Variants in SLAIN2 observed in about 807,000 individuals in gnomAD.
SLAIN2 encodes the protein SLAIN family member 2.
SLAIN2 carries 31 observed loss-of-function variants against 56.6 expected under a neutral mutation model. The ratio of observed to expected loss-of-function variants is 0.55; its 90% CI spans 0.41 to 0.74. The LOEUF is 0.74. SLAIN2 is among the 30% of genes least tolerant of loss of function. The pLI is 0.00. For missense variants in SLAIN2, 777 were observed against 754.2 expected (o/e 1.03, Z -0.35); for synonymous variants, 317 against 284.9 (o/e 1.11, Z -1.13).
intron 6 of SLAIN2, among the ~76,000 whole-genome samples, chr4:48,406,487 AAAACAATTTT>A (rs1406161475): frequency 3.7e-4 from 56 of 151,828 alleles, no homozygotes; most frequent in Admixed American, 3.2e-3. Context: ...ATGTTTACTG[AAAACAATTTT>A]TACAACTTTT....
chr4:48,363,710 T>C (rs1577714612), intron 1 of SLAIN2, among the ~76,000 whole-genome samples: 1 of 103,918 alleles, frequency 9.6e-6, no homozygotes, highest in Admixed American at 8.9e-5. Flanking sequence ...GAGGCGCCCC[T>C]CACCTCCCAG....
In SLAIN2 at chr4:48,420,375, C is replaced by T. The variant is rs774488337; in HGVS notation, c.1611C>T (p.Pro537=). 10 of 1,614,030 alleles carry T rather than the reference C, an allele frequency of 6.2e-6. No individual in the cohort carries two copies. The Admixed American group carries it at 8.3e-5, about 13-fold the overall frequency. Residue 537 remains proline, a synonymous_variant, in exon 7 of 8, where the codon CCC becomes CCT. Transcript: ENST00000264313. ...CAACTGCAATGAGAAGTGGCTTGCC[C>T]AGACCCAGTGCCCCTTCTGCTGGGG... ...AGTTAMRSGL[P]RPSAPSAGGI...
intron 6 of SLAIN2, among the ~76,000 whole-genome samples, chr4:48,396,052 C>G (rs1047611261): frequency 2.6e-5 from 4 of 151,882 alleles, no homozygotes; most frequent in Non-Finnish European, 5.9e-5. Context: ...AAATTTTTAC[C>G]TAAAGATTTC....
intron 6 of SLAIN2, among the ~76,000 whole-genome samples, chr4:48,404,234 C>T (rs1468810540): frequency 6.6e-6 from 1 of 152,140 alleles, no homozygotes; most frequent in African/African-American, 2.4e-5. Flanking sequence ...TTGGCCCACC[C>T]TCCGACTTTT....
intron 6 of SLAIN2, among the ~76,000 whole-genome samples, chr4:48,391,539 T>C (rs1716236332): frequency 6.6e-6 from 1 of 152,160 alleles, no homozygotes. Context: ...ACCAACTTGG[T>C]TTTATTTTTG....
In SLAIN2 at chr4:48,382,635, A is replaced by G; in HGVS notation, c.930A>G (p.Arg310=). ...RSSGSSCNST[R]RGTFSDQELD... ...CTGGTTCATCTTGCAATTCTACAAG[A>G]CGGGGTACTTTTAGTGATCAGGAAC... The change falls in exon 5 of 8, where the codon AGA becomes AGG. Residue 310 remains arginine (R), a synonymous_variant. Transcript: ENST00000264313. 6.2e-7 allele frequency: 1 copy of G among 1,613,564 alleles called. No homozygotes were observed. The highest frequency in any genetic ancestry group is 8.5e-7 in the Non-Finnish European group (1 of 1,179,554).
In SLAIN2 at chr4:48,423,678, T is replaced by G. The variant is rs1717222342; in HGVS notation, c.*1601T>G. On this transcript the variant is annotated 3_prime_UTR_variant, in exon 8 of 8. Transcript: ENST00000264313. ...ACTGACACCATGGTAGTCTGTCAGCTTGACCAGTGGAGAGTCATTCATTTA... is the reference window on the plus strand; with the variant it reads ...ACTGACACCATGGTAGTCTGTCAGCGTGACCAGTGGAGAGTCATTCATTTA... The G allele has an allele frequency of 6.6e-6, 1 of 152,202 alleles. No individual in the cohort carries two copies. Among genetic ancestry groups the G allele is most frequent in the African/African-American group, 2.4e-5 (1 of 41,452 alleles). 9.4% of individuals were successfully genotyped at this position (152,202 alleles called of 1,614,324 possible).
At chr4:48,395,579 A>G (rs914062460) in intron 6 of SLAIN2, among the ~76,000 whole-genome samples, 1 of 152,170 alleles carries the variant, frequency 6.6e-6, no homozygotes, top group African/African-American at 2.4e-5. Context: ...ATAGTTTTAG[A>G]TAATAGGATT....
chr4:48,344,534 AAC>A (rs1379145514), intron 1 of SLAIN2, among the ~76,000 whole-genome samples: 5 of 152,182 alleles, frequency 3.3e-5, no homozygotes, highest in Non-Finnish European at 5.9e-5. Context: ...AACAAAAATA[AAC>A]AGTTTTCTTT....
intron 1 of SLAIN2, among the ~76,000 whole-genome samples, chr4:48,363,796 G>A (rs1355429450): frequency 7.5e-6 from 1 of 132,584 alleles, no homozygotes; most frequent in East Asian, 2.4e-4. Context: ...GGGTGGGGGG[G>A]CTGACCCCCG....
At position 48,377,897 on chromosome 4, in the gene SLAIN2, T is replaced by C; in HGVS notation, c.540T>C (p.Ala180=). 1 of 1,612,830 alleles carries C rather than the reference T, an allele frequency of 6.2e-7. No individual in the cohort carries two copies. Among genetic ancestry groups the C allele is most frequent in the Non-Finnish European group, 8.5e-7 (1 of 1,179,584 alleles). The change falls in exon 3 of 8, where the codon GCT becomes GCC. Residue 180 remains alanine, a splice_region_variant and synonymous_variant. Transcript: ENST00000264313. ...LIHKLDQTMS[A]LKRQNLYNNP... is the part of the protein sequence containing the mutation. ...ATTTTCCCCTTCTCATTAATGCAGC[T>C]CTCAAGAGGCAGAATTTATATAATA...
In SLAIN2 at chr4:48,420,250, C is replaced by G. The variant is rs866125076; in HGVS notation, c.1486C>G (p.Gln496Glu). The G allele has an allele frequency of 6.2e-7, 1 of 1,613,982 alleles. No individual in the cohort carries two copies. The change falls in exon 7 of 8, where the codon CAA becomes GAA. Residue 496 changes from glutamine (Q) to glutamate (E), a missense_variant. By Grantham distance (29) the Gln-to-Glu change is conservative (BLOSUM62 2). Transcript: ENST00000264313. ...PGSQEITQLT[Q>E]TTSSPGPPMV... is the part of the protein sequence containing the mutation. Reference sequence around the variant, plus strand: ...TAGCCAAGAAATAACACAGCTCACACAAACCACCTCCTCACCTGGGCCTCC... The same window carrying G: ...TAGCCAAGAAATAACACAGCTCACAGAAACCACCTCCTCACCTGGGCCTCC...
chr4:48,411,323 T>C (rs1716840641), intron 6 of SLAIN2, among the ~76,000 whole-genome samples: 2 of 152,128 alleles, frequency 1.3e-5, no homozygotes, highest in African/African-American at 4.8e-5. Context: ...AAGAAATCTG[T>C]ACCACATCAG....
intron 1 of SLAIN2, among the ~76,000 whole-genome samples, chr4:48,361,025 T>C (rs1715313633): frequency 6.6e-6 from 1 of 152,238 alleles, no homozygotes; most frequent in African/African-American, 2.4e-5. Flanking sequence ...ATATAGTCTC[T>C]TATTAGAATG....
chr4:48,395,725 T>A (rs969784314), intron 6 of SLAIN2, among the ~76,000 whole-genome samples: 1 of 151,738 alleles, frequency 6.6e-6, no homozygotes, highest in Non-Finnish European at 1.5e-5. Flanking sequence ...ATAGACTGGA[T>A]AGATTATGTT....
Position 48,423,938 on chromosome 4 carries a change from C to CT in SLAIN2, c.*1865dup, listed in dbSNP as rs1277268937. 6.6e-6 allele frequency: 1 copy of CT among 152,088 alleles called. No individual in the cohort carries two copies. The highest frequency in any genetic ancestry group is 1.5e-5 in the Non-Finnish European group (1 of 68,008). 9.4% of individuals were successfully genotyped at this position (152,088 alleles called of 1,614,324 possible). On this transcript the variant is annotated 3_prime_UTR_variant, in exon 8 of 8. Coordinates refer to ENST00000264313, the MANE Select transcript of SLAIN2 (RefSeq NM_020846.2). ...TAAAAGAAAGAAGTAGCTACTGTCT[C>CT]TTTTAAAAACCACGTACAAAACAGA...
chr4:48,418,491 G>A (rs1242773531), intron 6 of SLAIN2, among the ~76,000 whole-genome samples: 3 of 151,938 alleles, frequency 2.0e-5, no homozygotes, highest in East Asian at 3.9e-4. Flanking sequence ...TTGCATCTTG[G>A]AATAAATCCT....
rs780674300 is a variant in SLAIN2 at position 48,420,134 on chromosome 4, C to T, written c.1370C>T (p.Pro457Leu). 27 of 1,613,676 alleles carry T rather than the reference C, an allele frequency of 1.7e-5. No individual in the cohort carries two copies. Among genetic ancestry groups the T allele is most frequent in the Non-Finnish European group, 2.1e-5 (25 of 1,179,634 alleles). The stretch of plus-strand genomic sequence containing the variant: ...CTTTGCCATCCCACAGTACCTTCTC[C>T]AGGCAAATTCCGTTCCCCTGCAGCA... ...MQPQASAIPS[P>L]GKFRSPAAPS... is the part of the protein sequence containing the mutation. The change falls in exon 7 of 8, where the codon CCA (proline) becomes CTA (leucine). Residue 457 changes from proline (P) to leucine (L), a missense_variant. Transcript: ENST00000264313.
chr4:48,396,186 A>G (rs1001229084), intron 6 of SLAIN2, among the ~76,000 whole-genome samples: 1 of 152,120 alleles, frequency 6.6e-6, no homozygotes, highest in South Asian at 2.1e-4. Context: ...CTCTGATAAG[A>G]TAACAGGAAA....
Sources: gnomAD v4.1 joint callset for allele counts (sites outside exome capture counted in the v4.1 genomes callset) on GRCh38, gnomAD v4.1.1 for gene constraint, MANE v1.5 for transcripts, NCBI Gene and HGNC (gene_info 2026-07-23, HGNC 2026-07-21) for gene names.